The following SUN2 variants were observed in gnomAD, a reference collection of about 807,000 sequenced individuals.
SUN2 encodes the protein Sad1 and UNC84 domain containing 2.
A neutral mutation model predicts 100.0 loss-of-function variants in SUN2; 60 were observed. The ratio of observed to expected loss-of-function variants is 0.60; its 90% CI spans 0.49 to 0.74. The LOEUF (loss-of-function observed/expected upper bound fraction) is 0.74, where lower values mean the gene tolerates loss of function less well. SUN2 is among the 30% of genes least tolerant of loss of function. The pLI is 0.00. For synonymous variants in SUN2, 367 were observed against 403.3 expected, an observed-to-expected ratio of 0.91 and a Z score of 1.08; for missense variants, 834 against 954.6, an observed-to-expected ratio of 0.87 and a Z score of 1.66.
At chr22:38,748,920 T>A in intron 6 of SUN2, 137 bp from the exon 7 acceptor site, 1 of 864,998 alleles carries the variant, frequency 1.2e-6, no homozygotes, top group East Asian at 2.5e-5. Flanking sequence ...CTTGAGCTTC[T>A]CACTGTGCCA....
rs2092837031 is a variant in SUN2, at chr22:38,739,637, A to AG, written c.1578+84dup. 6 of 1,499,784 alleles carry AG rather than the reference A, an allele frequency of 4.0e-6. No individual in the cohort carries two copies. The South Asian group carries it at 6.1e-5, about 15-fold the overall frequency. 92.9% of individuals were successfully genotyped at this position (1,499,784 alleles called of 1,614,324 possible). ...TGGCACTTCCATCCTGGAACCTGCCAGGGAGCTGGCAGTGTGGGACTGTCC... is the reference window on the plus strand; with the variant it reads ...TGGCACTTCCATCCTGGAACCTGCCAGGGGAGCTGGCAGTGTGGGACTGTCC... On this transcript the variant is annotated intron_variant, in intron 13 of 17. Transcript: ENST00000689035. The surrounding 1 kb of genome is among the most constrained non-coding windows in gnomAD (Gnocchi z 6.7).
At chr22:38,749,893 ATGGTG>A in intron 5 of SUN2, 34 bp from the exon 6 acceptor site, 2 of 1,592,776 alleles carry the variant, frequency 1.3e-6, no homozygotes, top group Non-Finnish European at 1.7e-6. Context: ...AAGGCTCCAT[ATGGTG>A]TTTGGGGGCA....
chr22:38,749,931 G>A (rs181084160), intron 5 of SUN2, 72 bp from the exon 6 acceptor site: 42 of 1,453,778 alleles, frequency 2.9e-5, no homozygotes, highest in Admixed American at 1.8e-4. Flanking sequence ...CCCGTCTGCC[G>A]TCCTCCCTGC....
chr22:38,739,029 A>G lies in SUN2; in HGVS notation c.1664-41T>C. 1 of 1,566,868 alleles carries G rather than the reference A, an allele frequency of 6.4e-7. No individual in the cohort carries two copies. The highest frequency in any genetic ancestry group is 8.7e-7 in the Non-Finnish European group (1 of 1,153,114). ...AAGGCAGGGTGGGCTCCCGCACGGG[A>G]GGAGGGCCCCGCTCAGGCCATTGGC... On this transcript the variant is annotated intron_variant, in intron 14 of 17. Transcript: ENST00000689035. The surrounding 1 kb of genome is among the most constrained non-coding windows in gnomAD (Gnocchi z 6.7).
In SUN2 at chr22:38,751,242, G is replaced by T. The variant is rs780037165; in HGVS notation, c.254C>A (p.Ser85Tyr). 9.3e-6 allele frequency: 15 copies of T among 1,613,706 alleles called. No homozygotes were observed. The highest frequency in any genetic ancestry group is 1.3e-5 in the Non-Finnish European group (15 of 1,179,760). ...GGCGTCACCATGCAGTTCCTCCAGGGAGCTCCTGGGTGGGAACCAGGACTC... is the reference window on the plus strand; with the variant it reads ...GGCGTCACCATGCAGTTCCTCCAGGTAGCTCCTGGGTGGGAACCAGGACTC... ...VHESWFPPRS[S>Y]LEELHGDANW... is the part of the protein sequence containing the mutation. The change falls in exon 3 of 18, where the codon TCC becomes TAC. Residue 85 changes from serine to tyrosine, a missense_variant. Physicochemically the swap from Ser to Tyr is moderately radical, Grantham distance 144 (BLOSUM62 -2). Around this residue, in one of 3 missense-constraint regions of SUN2, gnomAD observed 559 missense variants for 597.7 expected, o/e 0.94. Coordinates refer to ENST00000689035, the MANE Select transcript of SUN2 (RefSeq NM_015374.3).
chr22:38,747,652 A>G (rs1016772087), intron 7 of SUN2, among the ~76,000 whole-genome samples: 4 of 152,280 alleles, frequency 2.6e-5, no homozygotes, highest in Middle Eastern at 3.4e-3. Context: ...GTCTATATAA[A>G]CAAGGAAGGG....
At position 38,747,772 on chromosome 22, in the gene SUN2, G is replaced by A. The variant is rs757565973; in HGVS notation, c.685+941C>T. On this transcript the variant is annotated intron_variant, in intron 7 of 17. Coordinates refer to ENST00000689035, the MANE Select transcript of SUN2 (RefSeq NM_015374.3). ...AGCCTGGCCAACATGGTGAAACCCC[G>A]TCTCTACTAAAAATACAAAAATTAG... Among the ~76,000 whole-genome samples, 26 of 150,468 alleles carry A rather than the reference G, an allele frequency of 1.7e-4. No individual in the cohort carries two copies. The East Asian group carries it at 1.8e-3, about 10-fold the overall frequency.
At chr22:38,746,270 G>T (rs2092902686) in intron 7 of SUN2, among the ~76,000 whole-genome samples, 1 of 152,136 alleles carries the variant, frequency 6.6e-6, no homozygotes, top group East Asian at 1.9e-4. Flanking sequence ...TGACTGTCAT[G>T]GGCCGCCATG....
chr22:38,738,847 C>A lies in SUN2; in HGVS notation c.1779+26G>T, dbSNP rs780699204. On this transcript the variant is annotated intron_variant, in intron 15 of 17. Transcript: ENST00000689035. The surrounding 1 kb of genome is among the most constrained non-coding windows in gnomAD (Gnocchi z 6.6). ...CAGCCCTCAGTGTGCTCAGAGCCCC[C>A]GCTGCTGTGCTTGCCAGGTGCCCAC... 6.3e-7 allele frequency: 1 copy of A among 1,595,414 alleles called. No individual in the cohort carries two copies. The highest frequency in any genetic ancestry group is 1.1e-5 in the South Asian group (1 of 88,768).
chr22:38,735,325 C>T lies in SUN2; in HGVS notation c.*942G>A. ...ATCAGGGCCTGGTTAGATGTGGGGG[C>T]CGGTGCAGACAGACCTCGCACCCCG... On this transcript the variant is annotated 3_prime_UTR_variant, in exon 18 of 18. Transcript: ENST00000689035. 2.3e-6 allele frequency: 1 copy of T among 436,512 alleles called. No homozygotes were observed. Among genetic ancestry groups the T allele is most frequent in the Non-Finnish European group, 4.5e-6 (1 of 219,840 alleles). The allele number at this position is 436,512 out of a possible 1,614,324, so 27.0% of individuals were successfully genotyped here. A position where few individuals can be genotyped will look rare whatever the true frequency, so the allele number is the denominator to read the frequency against.
intron 4 of SUN2, chr22:38,750,527 C>G (rs538154926): frequency 9.0e-7 from 1 of 1,111,594 alleles, no homozygotes; most frequent in East Asian, 2.6e-5. Context: ...CTCTCCTCAC[C>G]AGCCACCCCT....
At position 38,755,002 on chromosome 22, in the gene SUN2, C is replaced by A. The variant is rs2092974947; in HGVS notation, c.-38+761G>T. 3.1e-6 allele frequency: 4 copies of A among 1,273,666 alleles called. No homozygotes were observed. Among genetic ancestry groups the A allele is most frequent in the Non-Finnish European group, 3.1e-6 (3 of 976,114 alleles). 78.9% of individuals were successfully genotyped at this position (1,273,666 alleles called of 1,614,324 possible). A position where few individuals can be genotyped will look rare whatever the true frequency, so the allele number is the denominator to read the frequency against. ...ATCTACTACTGCGAATCATAATAGA[C>A]ACCACCCCCGCCCCACCTCCTCCCT... On this transcript the variant is annotated intron_variant, in intron 1 of 17. Transcript: ENST00000689035. This position sits in a 1 kb window ranked among gnomAD's most constrained non-coding sequence, Gnocchi z 5.7.
intron 7 of SUN2, among the ~76,000 whole-genome samples, chr22:38,747,978 C>T (rs145302131): frequency 1.4e-3 from 213 of 152,230 alleles, no homozygotes; most frequent in African/African-American, 4.6e-3. Flanking sequence ...CCTGTGCTAG[C>T]GCCTGGGATG....
intron 9 of SUN2, 104 bp from the exon 10 acceptor site, chr22:38,741,675 TC>T: frequency 1.9e-6 from 2 of 1,076,154 alleles, no homozygotes; most frequent in Non-Finnish European, 2.8e-6. Context: ...TCTGTTTGCT[TC>T]CAGAGCCCTG....
At chr22:38,742,833 C>G in intron 8 of SUN2, 1 of 398,720 alleles carries the variant, frequency 2.5e-6, no homozygotes, top group Non-Finnish European at 4.6e-6. Flanking sequence ...GAAGGTGGGC[C>G]GGGGAGAAGG....
rs1286655054 is a variant in SUN2 at position 38,740,508 on chromosome 22, C to A, written c.1191-76G>T. The A allele has an allele frequency of 2.2e-6, 3 of 1,385,824 alleles. No homozygotes were observed. The highest frequency in any genetic ancestry group is 1.7e-5 in the South Asian group (1 of 59,428). The allele number at this position is 1,385,824 out of a possible 1,614,324, so 85.8% of individuals were successfully genotyped here. On this transcript the variant is annotated intron_variant, in intron 11 of 17. Transcript: ENST00000689035. This position sits in a 1 kb window ranked among gnomAD's most constrained non-coding sequence, Gnocchi z 4.8. ...AGGCCACACCAAAGATGAAAGAGGA[C>A]CCCCTAGTGGGCTCCCGTCAGGAGA...
rs201794535 is a variant in SUN2 at position 38,750,961 on chromosome 22, G to A, written c.361C>T (p.Arg121Cys). 48 of 1,613,792 alleles carry A rather than the reference G, an allele frequency of 3.0e-5. No individual in the cohort carries two copies. In the Admixed American group the frequency reaches 3.5e-4, roughly 12 times the overall value. ...CCCAGGAAGTCCTCGGTGGCCTTGC[G>A]CCCCACAAGCCCGCTGGCCCTGCTG... The part of the protein sequence containing the change: ...ESSRASGLVG[R>C]KATEDFLGSS... Residue 121 changes from arginine to cysteine, a missense_variant, in exon 4 of 18, where the codon CGC becomes TGC. Physicochemically the swap from Arg to Cys is radical, Grantham distance 180. This residue lies in a region of SUN2 where 559 missense variants were observed against 597.7 expected (regional missense o/e 0.94). Coordinates refer to ENST00000689035, the MANE Select transcript of SUN2 (RefSeq NM_015374.3).
intron 8 of SUN2, chr22:38,745,040 T>G (rs2092891546): frequency 4.2e-6 from 2 of 471,076 alleles, no homozygotes; most frequent in Admixed American, 4.7e-5. Context: ...TGGATTTGGC[T>G]CTGAGATTTG....
intron 1 of SUN2, 68 bp from the exon 2 acceptor site, chr22:38,752,733 G>C: frequency 6.7e-7 from 1 of 1,483,760 alleles, no homozygotes; most frequent in Non-Finnish European, 9.1e-7. Flanking sequence ...TCTAGAGGAG[G>C]TGGGACAGAG....
Sources: gnomAD v4.1 joint callset for allele counts (sites outside exome capture counted in the v4.1 genomes callset) on GRCh38, gnomAD v4.1.1 for gene constraint, gnomAD v4.1.1 regional missense constraint, Gnocchi (gnomAD v3.1) non-coding constraint, MANE v1.5 for transcripts, NCBI Gene and HGNC (gene_info 2026-07-23, HGNC 2026-07-21) for gene names.